Variants in PLCG2 observed in about 807,000 individuals in gnomAD.
PLCG2 encodes the protein 1-phosphatidylinositol 4,5-bisphosphate phosphodiesterase gamma-2.
Under a neutral mutation model 175.6 loss-of-function variants are expected in PLCG2, and 69 were observed. The ratio of observed to expected loss-of-function variants is 0.39; its 90% CI spans 0.32 to 0.48. PLCG2 has a LOEUF of 0.48. PLCG2 is among the 20% of genes least tolerant of loss of function. PLCG2 has a pLI of 0.91. For synonymous variants in PLCG2, 827 were observed against 624.0 expected (o/e 1.33, Z -4.85); for missense variants, 1,798 against 1,650.9 (o/e 1.09, Z -1.54).
At chr16:81,930,336 C>T (rs888044576) in intron 24 of PLCG2, among the ~76,000 whole-genome samples, 4 of 152,102 alleles carry the variant, frequency 2.6e-5, no homozygotes, top group Admixed American at 1.3e-4. Flanking sequence ...CTGGAGAACC[C>T]ACGCCACATT....
upstream of PLCG2, among the ~76,000 whole-genome samples, chr16:81,778,016 C>CAAAACAAAAAAAAAACAAAAA (rs1910484333): frequency 2.0e-5 from 1 of 49,082 alleles, no homozygotes; most frequent in Non-Finnish European, 3.5e-5. Flanking sequence ...GACTTTGTCT[C>CAAAACAAAAAAAAAACAAAAA]AAAAAAAAAA....
intron 5 of PLCG2, among the ~76,000 whole-genome samples, chr16:81,860,173 T>TTATTATTATTATTA (rs56260145): frequency 9.8e-4 from 80 of 81,516 alleles, no homozygotes; most frequent in African/African-American, 3.4e-3. Flanking sequence ...ATTATTATTA[T>TTATTATTATTATTA]TTTTTTTTTT....
Position 81,936,359 on chromosome 16 carries a change from A to G in PLCG2, c.3033A>G (p.Ala1011=), listed in dbSNP as rs1299768138. The change falls in exon 27 of 33, where the codon GCA becomes GCG. Residue 1011 remains alanine (A), a synonymous_variant. Coordinates refer to ENST00000564138, the MANE Select transcript of PLCG2 (RefSeq NM_002661.5). ...RLWLCGSQMV[A]LNFQTADKYM... is the part of the protein sequence containing the mutation. ...GGCTGTGCGGTTCTCAGATGGTGGC[A>G]CTCAATTTCCAGACGGCAGGTAAAG... 6.2e-7 allele frequency: 1 copy of G among 1,613,864 alleles called. No individual in the cohort carries two copies. Among genetic ancestry groups the G allele is most frequent in the East Asian group, 2.2e-5 (1 of 44,882 alleles).
intron 13 of PLCG2, among the ~76,000 whole-genome samples, chr16:81,899,866 G>C (rs1226275213): frequency 1.3e-5 from 2 of 152,166 alleles, no homozygotes; most frequent in Non-Finnish European, 2.9e-5. Flanking sequence ...ATAAAACAAC[G>C]TCAGATATTG....
intron 28 of PLCG2, 36 bp downstream of exon 28, chr16:81,937,939 G>C (rs1910783969): frequency 6.2e-7 from 1 of 1,609,480 alleles, no homozygotes; most frequent in Non-Finnish European, 8.5e-7. Flanking sequence ...AGGGGAGCCA[G>C]CCGCCCTCCC....
In PLCG2 at chr16:81,890,362, C is replaced by T. The variant is rs534941647; in HGVS notation, c.867+1089C>T. Among the ~76,000 whole-genome samples, 15 of 152,260 alleles carry T rather than the reference C, an allele frequency of 9.9e-5. No individual in the cohort carries two copies. In the South Asian group the frequency reaches 2.9e-3, roughly 29 times the overall value. ...AATGTTTTCCAAAGTTAGCTTGGCCCAAGCCCAGGAATAATTAAGGGCAGT... is the reference window on the plus strand; with the variant it reads ...AATGTTTTCCAAAGTTAGCTTGGCCTAAGCCCAGGAATAATTAAGGGCAGT... On this transcript the variant is annotated intron_variant, in intron 10 of 32. Transcript: ENST00000564138.
intron 27 of PLCG2, among the ~76,000 whole-genome samples, chr16:81,936,891 C>T (rs944070687): frequency 6.6e-6 from 1 of 152,196 alleles, no homozygotes; most frequent in Non-Finnish European, 1.5e-5. Flanking sequence ...TTTATAGCCA[C>T]ATCGGATTCC....
At chr16:81,795,800 A>C (rs1297945107) in intron 2 of PLCG2, among the ~76,000 whole-genome samples, 1 of 152,134 alleles carries the variant, frequency 6.6e-6, no homozygotes, top group Non-Finnish European at 1.5e-5. Flanking sequence ...CCTCGGATCA[A>C]GTGATCCTCC....
chr16:81,928,583 C>G lies in PLCG2; in HGVS notation c.2540C>G (p.Ser847Cys). The stretch of plus-strand genomic sequence containing the variant: ...ATTATTGAAGACAATCCCTTAGGGT[C>G]TCTTTGCAGAGGAATATTGGACCTC... ...KQIIEDNPLG[S>C]LCRGILDLNT... Residue 847 changes from serine (S) to cysteine (C), a missense_variant, in exon 24 of 33, where the codon TCT (serine) becomes TGT (cysteine). Physicochemically the swap from Ser to Cys is moderately radical, Grantham distance 112 (BLOSUM62 -1). Coordinates refer to ENST00000564138, the MANE Select transcript of PLCG2 (RefSeq NM_002661.5). The G allele has an allele frequency of 6.2e-7, 1 of 1,607,984 alleles. No homozygotes were observed. Among genetic ancestry groups the G allele is most frequent in the Non-Finnish European group, 8.5e-7 (1 of 1,174,404 alleles).
In PLCG2 at chr16:81,949,949, G is replaced by A. The variant is rs1482075129; in HGVS notation, c.3570+3686G>A. ...ATTTAATGCTACATCTGATGTTAAA[G>A]GAAACTGTGATTTTAGTTAGCATTG... On this transcript the variant is annotated intron_variant, in intron 31 of 32. Coordinates refer to ENST00000564138, the MANE Select transcript of PLCG2 (RefSeq NM_002661.5). Among the ~76,000 whole-genome samples, 4 of 152,152 alleles carry A rather than the reference G, an allele frequency of 2.6e-5. No homozygotes were observed. In the East Asian group the frequency reaches 7.7e-4, roughly 29 times the overall value.
In PLCG2 at chr16:81,928,543, C is replaced by A; in HGVS notation, c.2515-15C>A. The A allele has an allele frequency of 1.3e-6, 2 of 1,562,668 alleles. No individual in the cohort carries two copies. The highest frequency in any genetic ancestry group is 1.8e-6 in the Non-Finnish European group (2 of 1,133,102). The stretch of plus-strand genomic sequence containing the variant: ...CCGTTACAACTAACGTGAGTTATGT[C>A]TTGTTTCTTCACAGATTATTGAAGA... On this transcript the variant is annotated splice_polypyrimidine_tract_variant and intron_variant, in intron 23 of 32. Coordinates refer to ENST00000564138, the MANE Select transcript of PLCG2 (RefSeq NM_002661.5).
At chr16:81,832,918 G>A (rs1905324928) in intron 2 of PLCG2, among the ~76,000 whole-genome samples, 1 of 152,200 alleles carries the variant, frequency 6.6e-6, no homozygotes, top group African/African-American at 2.4e-5. Flanking sequence ...GGCAGCCAGT[G>A]GTCAGCCGAT....
At chr16:81,871,132 C>G (rs565535814) in intron 7 of PLCG2, among the ~76,000 whole-genome samples, 197 bp downstream of exon 7, 116 of 152,186 alleles carry the variant, frequency 7.6e-4, no homozygotes, top group Middle Eastern at 3.4e-3. Context: ...GAGCTGTGGG[C>G]AAAATGTAGA....
At position 81,958,603 on chromosome 16, in the gene PLCG2, T is replaced by C. The variant is rs530827246; in HGVS notation, c.*605T>C. The C allele has an allele frequency of 4.8e-5, 11 of 228,070 alleles. No homozygotes were observed. The highest frequency in any genetic ancestry group is 2.4e-4 in the African/African-American group (11 of 45,166). 14.1% of individuals were successfully genotyped at this position (228,070 alleles called of 1,614,324 possible). On this transcript the variant is annotated 3_prime_UTR_variant, in exon 33 of 33. Coordinates refer to ENST00000564138, the MANE Select transcript of PLCG2 (RefSeq NM_002661.5). ...TCTGTTCATTAAGACAATTTCTAAT[T>C]AATGGTGACAGCTTGTTTTGTGACT... is the stretch of plus-strand genomic sequence containing the variant.
chr16:81,940,553 G>C (rs1910898488), intron 30 of PLCG2, among the ~76,000 whole-genome samples: 1 of 152,100 alleles, frequency 6.6e-6, no homozygotes, highest in South Asian at 2.1e-4. Flanking sequence ...TTACTTCTTT[G>C]AGTTGTTACA....
chr16:81,795,652 T>G (rs1597323024), intron 2 of PLCG2, among the ~76,000 whole-genome samples: 1 of 151,768 alleles, frequency 6.6e-6, no homozygotes, highest in East Asian at 1.9e-4. Flanking sequence ...GGTTGGAGGT[T>G]TCTATGGGCC....
intron 2 of PLCG2, among the ~76,000 whole-genome samples, chr16:81,804,310 A>G (rs1029383543): frequency 5.3e-5 from 8 of 152,192 alleles, no homozygotes; most frequent in Non-Finnish European, 1.0e-4. Context: ...TCATTGCTCT[A>G]TCTTAAATAG....
chr16:81,783,119 G>C (rs544411850), intron 1 of PLCG2: 8 of 489,754 alleles, frequency 1.6e-5, no homozygotes, highest in African/African-American at 1.2e-4. Flanking sequence ...CCCTTGTCCT[G>C]GTTTCTGTCT....
chr16:81,940,909 C>G (rs750571074), intron 30 of PLCG2, among the ~76,000 whole-genome samples: 1 of 152,198 alleles, frequency 6.6e-6, no homozygotes, highest in Non-Finnish European at 1.5e-5. Context: ...AATTTTCCTT[C>G]TTCCTCTTCC....
Sources: allele counts gnomAD v4.1 joint callset (sites outside exome capture counted in the v4.1 genomes callset), GRCh38; gene constraint gnomAD v4.1.1; transcripts MANE v1.5; gene names NCBI Gene and HGNC (gene_info 2026-07-23, HGNC 2026-07-21).